Variants in FRMPD4 observed in about 807,000 individuals in gnomAD.
The protein encoded by FRMPD4 is FERM and PDZ domain containing 4.
Under a neutral mutation model 94.1 loss-of-function variants are expected in FRMPD4, and 22 were observed. That is an observed-to-expected ratio of 0.23 (90% CI 0.17 to 0.33). FRMPD4 has a LOEUF of 0.33. Among genes scored for constraint, FRMPD4 ranks in the 10% least tolerant of loss-of-function variants. The pLI, the probability that FRMPD4 is intolerant of heterozygous loss-of-function variation, is 1.00. For synonymous variants in FRMPD4, 631 were observed against 548.6 expected (o/e 1.15, Z -2.10); for missense variants, 1,111 against 1,339.9 (o/e 0.83, Z 2.67).
At chrX:12,210,258 A>G (rs185919416) in intron 1 of FRMPD4, among the ~76,000 whole-genome samples, 3 of 112,391 alleles carry the variant, frequency 2.7e-5, no homozygotes, top group African/African-American at 9.7e-5. Flanking sequence ...CATGATACAC[A>G]GTTCAGAATT....
At chrX:11,999,589 A>G (rs1465793678) in intron 3 of FRMPD4, among the ~76,000 whole-genome samples, 1 of 112,180 alleles carries the variant, frequency 8.9e-6, no homozygotes, top group South Asian at 3.7e-4. Context: ...TTTGAAACAT[A>G]ATGGGGGAAG....
At chrX:11,846,383 A>G (rs1182533842) in intron 1 of FRMPD4, among the ~76,000 whole-genome samples, 1 of 111,007 alleles carries the variant, frequency 9.0e-6, no homozygotes, top group Non-Finnish European at 1.9e-5. Flanking sequence ...GTAAAAGAGG[A>G]TACAAAGAAA....
At chrX:12,311,808 C>T (rs990900433) in intron 1 of FRMPD4, among the ~76,000 whole-genome samples, 1 of 111,281 alleles carries the variant, frequency 9.0e-6, no homozygotes, top group Non-Finnish European at 1.9e-5. Flanking sequence ...ATCTTTTTTA[C>T]TCTGGGTACT....
At chrX:12,270,642 C>T (rs1247508582) in intron 1 of FRMPD4, among the ~76,000 whole-genome samples, 1 of 111,626 alleles carries the variant, frequency 9.0e-6, no homozygotes, top group Non-Finnish European at 1.9e-5. Flanking sequence ...TATATATCCA[C>T]ATATATACTT....
At chrX:12,053,273 A>T (rs1264515787) in intron 3 of FRMPD4, among the ~76,000 whole-genome samples, 1 of 106,707 alleles carries the variant, frequency 9.4e-6, no homozygotes, top group Non-Finnish European at 1.9e-5. Flanking sequence ...CGGGAGGCAG[A>T]GGTTGCAGTG....
chrX:12,275,290 C>G (rs1238487576), intron 1 of FRMPD4, among the ~76,000 whole-genome samples: 1 of 110,805 alleles, frequency 9.0e-6, no homozygotes, highest in African/African-American at 3.3e-5. Context: ...ATGCCTGCTC[C>G]TGCTTCACCT....
At chrX:12,152,495 T>A (rs1436491110) in intron 1 of FRMPD4, among the ~76,000 whole-genome samples, 1 of 110,692 alleles carries the variant, frequency 9.0e-6, no homozygotes, top group African/African-American at 3.3e-5. Flanking sequence ...AAGAAGAAAA[T>A]CTATTTAGAC....
intron 3 of FRMPD4, among the ~76,000 whole-genome samples, chrX:12,109,875 AG>A (rs1257316414): frequency 8.9e-6 from 1 of 112,036 alleles, no homozygotes; most frequent in African/African-American, 3.2e-5. Context: ...ACCAGGAAGA[AG>A]TTGAATCCCG....
intron 1 of FRMPD4, among the ~76,000 whole-genome samples, chrX:12,320,368 C>G (rs1209973492): frequency 9.0e-6 from 1 of 111,092 alleles, no homozygotes; most frequent in Non-Finnish European, 1.9e-5. Flanking sequence ...CCAGGCTGAG[C>G]TCTCCTATCT....
intron 1 of FRMPD4, among the ~76,000 whole-genome samples, chrX:12,485,441 C>T (rs1393795825): frequency 1.8e-5 from 2 of 111,475 alleles, no homozygotes; most frequent in Non-Finnish European, 3.8e-5. Flanking sequence ...AGGGAAGTTT[C>T]CCAGAGGTTT....
intron 2 of FRMPD4, among the ~76,000 whole-genome samples, chrX:12,523,831 A>C (rs1444239196): frequency 9.3e-6 from 1 of 107,040 alleles, no homozygotes; most frequent in Non-Finnish European, 1.9e-5. Context: ...AGGTGGCAAT[A>C]AGGAAACAGA....
chrX:12,638,066 G>A (rs1029074326), intron 4 of FRMPD4, among the ~76,000 whole-genome samples: 1 of 111,152 alleles, frequency 9.0e-6, no homozygotes, highest in Non-Finnish European at 1.9e-5. Context: ...ATTGTTTAAC[G>A]TGAGCACATA....
rs1274151800 is a variant in FRMPD4, at chrX:12,308,413, G to A, written c.41+169401G>A. Among the ~76,000 whole-genome samples, 3 of 111,691 alleles carry A rather than the reference G, an allele frequency of 2.7e-5. No homozygotes were observed. The Admixed American group carries it at 2.8e-4, about 11-fold the overall frequency. ...AATTTTCAAAGGCTACTTGGATTCT[G>A]TTACTGCGACCACACAGAGAGATCA... On this transcript the variant is annotated intron_variant, in intron 1 of 16. Transcript: ENST00000675598.
intron 2 of FRMPD4, among the ~76,000 whole-genome samples, chrX:12,566,125 T>C (rs975436): frequency 5.4e-5 from 6 of 110,231 alleles, no homozygotes; most frequent in East Asian, 2.8e-4. Flanking sequence ...GTGTGTCCTA[T>C]AGTAAGGCCC....
chrX:11,930,952 A>G (rs942371981), intron 3 of FRMPD4, among the ~76,000 whole-genome samples: 15 of 111,093 alleles, frequency 1.4e-4, no homozygotes, highest in Non-Finnish European at 2.1e-4. Context: ...GGATATCTGC[A>G]TTGGCCATGA....
chrX:12,635,422 T>TCTCC (rs2059434747), intron 4 of FRMPD4, among the ~76,000 whole-genome samples: 1 of 110,682 alleles, frequency 9.0e-6, no homozygotes, highest in African/African-American at 3.3e-5. Flanking sequence ...CAAGTAGCAT[T>TCTCC]AAGAATTTAC....
intron 1 of FRMPD4, among the ~76,000 whole-genome samples, chrX:12,185,055 A>G (rs755504911): frequency 1.8e-5 from 2 of 111,749 alleles, no homozygotes; most frequent in Admixed American, 1.9e-4. Context: ...TCCATTTTCT[A>G]TGATGTGATT....
intron 1 of FRMPD4, among the ~76,000 whole-genome samples, chrX:12,332,768 G>A (rs7050214): frequency 0.058 from 6,449 of 111,274 alleles, 431 homozygotes; most frequent in African/African-American, 0.19. Context: ...GTAATTTAAC[G>A]TTTTTAAAGT....
At chrX:12,019,974 G>C (rs916077155) in intron 3 of FRMPD4, among the ~76,000 whole-genome samples, 1 of 112,082 alleles carries the variant, frequency 8.9e-6, no homozygotes, top group Admixed American at 9.4e-5. Context: ...CTTGTTTTAT[G>C]TATATAGAAA....
Sources: allele counts gnomAD v4.1 joint callset (sites outside exome capture counted in the v4.1 genomes callset), GRCh38; gene constraint gnomAD v4.1.1; transcripts MANE v1.5; gene names NCBI Gene and HGNC (gene_info 2026-07-23, HGNC 2026-07-21).